Variants in BIRC6 observed in about 807,000 individuals in gnomAD.
BIRC6 encodes baculoviral IAP repeat containing 6.
In BIRC6, 98 loss-of-function variants were observed where a neutral mutation model predicts 503.3. The ratio of observed to expected loss-of-function variants is 0.19; its 90% CI spans 0.17 to 0.23. The LOEUF (loss-of-function observed/expected upper bound fraction) is 0.23, where lower values mean the gene tolerates loss of function less well. Ranked by LOEUF, BIRC6 falls within the 10% of genes least tolerant of loss-of-function variation. The probability of loss-of-function intolerance (pLI) is 1.00; values close to 1 mark genes in which losing one functional copy is unlikely to be tolerated. For synonymous variants in BIRC6, 2,240 were observed against 2,078.7 expected (o/e 1.08, Z -2.11); for missense variants, 5,360 against 5,806.0 (o/e 0.92, Z 2.50).
intron 65 of BIRC6, among the ~76,000 whole-genome samples, chr2:32,558,415 A>G (rs2058933964): frequency 6.6e-6 from 1 of 152,186 alleles, no homozygotes; most frequent in South Asian, 2.1e-4. Context: ...TGAGCAGAAT[A>G]GGGATTTAAA....
At chr2:32,505,871 A>T (rs2053739205) in intron 50 of BIRC6, among the ~76,000 whole-genome samples, 1 of 150,922 alleles carries the variant, frequency 6.6e-6, no homozygotes. Context: ...TTTTTTTTTG[A>T]GGCAGGGTCT....
chr2:32,534,517 G>A (rs2057043629), intron 61 of BIRC6, among the ~76,000 whole-genome samples: 1 of 151,298 alleles, frequency 6.6e-6, no homozygotes, highest in African/African-American at 2.4e-5. Flanking sequence ...GATCACCTGA[G>A]GTCAGGAGTT....
chr2:32,391,466 C>T (rs920216885), intron 4 of BIRC6, among the ~76,000 whole-genome samples: 25 of 152,086 alleles, frequency 1.6e-4, no homozygotes, highest in African/African-American at 5.8e-4. Flanking sequence ...GCATTTCTAA[C>T]CAAACAGCTA....
chr2:32,375,188 G>A (rs1021180002), intron 1 of BIRC6, among the ~76,000 whole-genome samples: 1 of 152,062 alleles, frequency 6.6e-6, no homozygotes, highest in African/African-American at 2.4e-5. Context: ...ATCTACACGG[G>A]TAATCATTTC....
rs114686270 is a variant in BIRC6, at chr2:32,604,593, G to C, written c.14070+1510G>C. Among the ~76,000 whole-genome samples the C allele has an allele frequency of 8.5e-3, 1,290 of 152,278 alleles. 9 individuals are homozygous for C. The highest frequency in any genetic ancestry group is 0.02 in the Middle Eastern group (6 of 294). On this transcript the variant is annotated intron_variant, in intron 71 of 73. Transcript: ENST00000421745. ...TTAATTGCAGGAAGTATTGATCTCT[G>C]ATAATCTTTTGTTGTTATTCTTATC...
intron 65 of BIRC6, 109 bp from the exon 66 acceptor site, chr2:32,575,047 C>A: frequency 2.6e-6 from 3 of 1,176,472 alleles, no homozygotes; most frequent in Non-Finnish European, 3.7e-6. Flanking sequence ...CGTGCCCAGC[C>A]GGGTCAGCTG....
At chr2:32,555,884 C>T (rs2058736195) in intron 65 of BIRC6, among the ~76,000 whole-genome samples, 1 of 149,274 alleles carries the variant, frequency 6.7e-6, no homozygotes, top group Admixed American at 6.7e-5. Context: ...CCACTACACT[C>T]CAGCCTGGGT....
intron 57 of BIRC6, among the ~76,000 whole-genome samples, chr2:32,520,355 T>C (rs1484661119): frequency 6.6e-6 from 1 of 152,240 alleles, no homozygotes; most frequent in East Asian, 1.9e-4. Flanking sequence ...TTACAACTTA[T>C]ACAATAGGTT....
At chr2:32,370,006 A>T (rs1246792046) in intron 1 of BIRC6, among the ~76,000 whole-genome samples, 1 of 135,654 alleles carries the variant, frequency 7.4e-6, no homozygotes, top group Admixed American at 7.7e-5. Flanking sequence ...ATGTGTGTGT[A>T]TATATATGCA....
intron 9 of BIRC6, among the ~76,000 whole-genome samples, chr2:32,412,167 G>A (rs768980058): frequency 6.6e-6 from 1 of 152,100 alleles, no homozygotes; most frequent in African/African-American, 2.4e-5. Flanking sequence ...TTCTGAGACT[G>A]TACTACTTTT....
chr2:32,421,838 C>G (rs922203250), intron 10 of BIRC6, among the ~76,000 whole-genome samples: 23 of 152,316 alleles, frequency 1.5e-4, no homozygotes, highest in Admixed American at 9.8e-4. Flanking sequence ...GTATAAATTT[C>G]ACTTGTATAC....
At chr2:32,462,577 C>G (rs540274943) in intron 23 of BIRC6, among the ~76,000 whole-genome samples, 1 of 152,118 alleles carries the variant, frequency 6.6e-6, no homozygotes. Flanking sequence ...CTTAGTAAAG[C>G]AAATTTATTT....
intron 66 of BIRC6, among the ~76,000 whole-genome samples, chr2:32,589,803 C>T (rs1045592236): frequency 6.6e-6 from 1 of 152,154 alleles, no homozygotes; most frequent in African/African-American, 2.4e-5. Context: ...GCAGTACCTT[C>T]CGTATGTCTG....
In BIRC6 at chr2:32,509,868, T is replaced by C. The variant is rs376248704; in HGVS notation, c.10111T>C (p.Cys3371Arg). Residue 3371 changes from cysteine to arginine, a missense_variant, in exon 52 of 74, where the codon TGT becomes CGT. Around this residue, in one of 16 missense-constraint regions of BIRC6, gnomAD observed 878 missense variants for 928.9 expected, o/e 0.95. Coordinates refer to ENST00000421745, the MANE Select transcript of BIRC6 (RefSeq NM_016252.4). ...TGCGGCCTTATTGATGTCACCTTAC[T>C]GTGGAATGCATTCACCCAACATCGA... ...TCAALLMSPYCGMHSPNIEVV... is the reference protein window; with the variant it reads ...TCAALLMSPYRGMHSPNIEVV... 1.9e-5 allele frequency: 31 copies of C among 1,613,884 alleles called. No homozygotes were observed. Among genetic ancestry groups the C allele is most frequent in the Non-Finnish European group, 2.5e-5 (30 of 1,179,886 alleles).
Position 32,392,075 on chromosome 2 carries a change from A to G in BIRC6, c.876A>G (p.Thr292=). 6.3e-7 allele frequency: 1 copy of G among 1,595,722 alleles called. No homozygotes were observed. The highest frequency in any genetic ancestry group is 1.7e-4 in the Middle Eastern group (1 of 6,036). ...LMYSEANRRE[T]FTSWPHVGYR... is the part of the protein sequence containing the mutation. ...ATAGTGAAGCTAACAGACGGGAGAC[A>G]TTTACCTCATGGCCTCATGTAGGCT... Residue 292 remains threonine (T), a synonymous_variant, in exon 5 of 74, where the codon ACA becomes ACG. Transcript: ENST00000421745.
chr2:32,424,803 G>A (rs942518280), intron 10 of BIRC6, among the ~76,000 whole-genome samples: 8 of 152,040 alleles, frequency 5.3e-5, no homozygotes, highest in Non-Finnish European at 1.2e-4. Context: ...GTGAGCCACC[G>A]CGTCTGGCCT....
At position 32,441,453 on chromosome 2, in the gene BIRC6, C is replaced by T. The variant is rs749093978; in HGVS notation, c.3935C>T (p.Ser1312Phe). Residue 1312 changes from serine to phenylalanine, a missense_variant, in exon 17 of 74, where the codon TCT becomes TTT. Ser to Phe is a radical substitution (Grantham distance 155). Transcript: ENST00000421745. ...TIRRFKKTSISKERVQRCAML... is the reference protein window; with the variant it reads ...TIRRFKKTSIFKERVQRCAML... The stretch of plus-strand genomic sequence containing the variant: ...CGAAGATTTAAGAAAACCTCAATTT[C>T]TAAGGAAAGGTAATTTCATTGCATT... 1.1e-5 allele frequency: 17 copies of T among 1,608,912 alleles called. No individual in the cohort carries two copies. Among genetic ancestry groups the T allele is most frequent in the Non-Finnish European group, 8.5e-7 (1 of 1,176,764 alleles).
intron 41 of BIRC6, among the ~76,000 whole-genome samples, 192 bp downstream of exon 41, chr2:32,487,993 AAG>A (rs2051200218): frequency 4.0e-5 from 6 of 151,644 alleles, no homozygotes; most frequent in African/African-American, 7.3e-5. Flanking sequence ...GATAATTTTT[AAG>A]ATTTTTAGCT....
chr2:32,589,221 G>T (rs932595667), intron 66 of BIRC6, among the ~76,000 whole-genome samples: 1 of 152,176 alleles, frequency 6.6e-6, no homozygotes, highest in Non-Finnish European at 1.5e-5. Context: ...AGTGTAAAGT[G>T]TTCTGGATAT....
Sources: gnomAD v4.1 joint callset for allele counts (sites outside exome capture counted in the v4.1 genomes callset) on GRCh38, gnomAD v4.1.1 for gene constraint, gnomAD v4.1.1 regional missense constraint, MANE v1.5 for transcripts, NCBI Gene and HGNC (gene_info 2026-07-23, HGNC 2026-07-21) for gene names.